GPBP1L1: variants seen among roughly 807,000 people sequenced by gnomAD.
The protein encoded by GPBP1L1 is vasculin-like protein 1.
Under a neutral mutation model 52.5 loss-of-function variants are expected in GPBP1L1, and 23 were observed. That is an observed-to-expected ratio of 0.44 (90% CI 0.32 to 0.62). The LOEUF (loss-of-function observed/expected upper bound fraction) is 0.62. GPBP1L1 is among the 20% of genes least tolerant of loss of function. GPBP1L1 has a pLI of 0.06. For synonymous variants in GPBP1L1, 243 were observed against 203.1 expected, an observed-to-expected ratio of 1.20 and a Z score of -1.67; for missense variants, 596 against 579.3, an observed-to-expected ratio of 1.03 and a Z score of -0.30.
chr1:45,649,154 TG>T, intron 6 of GPBP1L1, among the ~76,000 whole-genome samples: 1 of 152,358 alleles, frequency 6.6e-6, no homozygotes, highest in South Asian at 2.1e-4. Context: ...ATGCTCAACC[TG>T]TATTAATATT....
chr1:45,667,794 C>A (rs550976741), intron 2 of GPBP1L1, among the ~76,000 whole-genome samples: 2 of 152,208 alleles, frequency 1.3e-5, no homozygotes, highest in African/African-American at 4.8e-5. Flanking sequence ...GTCGCCCAGG[C>A]TGGAGTACAA....
chr1:45,646,993 T>C (rs1313016200), intron 6 of GPBP1L1, among the ~76,000 whole-genome samples: 1 of 152,082 alleles, frequency 6.6e-6, no homozygotes, highest in African/African-American at 2.4e-5. Flanking sequence ...CCTATGTATT[T>C]CTCCTTCATT....
At chr1:45,651,182 A>C in intron 6 of GPBP1L1, 1 of 478,808 alleles carries the variant, frequency 2.1e-6, no homozygotes, top group East Asian at 5.6e-5. Context: ...ACCAGCTTAG[A>C]CAAACCTCCT....
At chr1:45,638,500 T>C (rs747373672) in intron 8 of GPBP1L1, among the ~76,000 whole-genome samples, 8 of 152,220 alleles carry the variant, frequency 5.3e-5, no homozygotes, top group Non-Finnish European at 1.2e-4. Flanking sequence ...TGTGAGAGTT[T>C]ACCATTTTTT....
chr1:45,648,396 T>G lies in GPBP1L1; in HGVS notation c.478-5897A>C, dbSNP rs193235203. Among the ~76,000 whole-genome samples the G allele has an allele frequency of 1.2e-4, 18 of 152,348 alleles. No individual in the cohort carries two copies. The East Asian group carries it at 3.3e-3, about 28-fold the overall frequency. On this transcript the variant is annotated intron_variant, in intron 6 of 12. Transcript: ENST00000355105. ...TTGACTGGTCCAGTCAGATCCTTCA[T>G]ACCTTATCCCAGAGCCCCTGTATTT...
At position 45,628,347 on chromosome 1, in the gene GPBP1L1, G is replaced by C. The variant is rs747819985; in HGVS notation, c.1334C>G (p.Ser445Cys). The C allele has an allele frequency of 1.2e-6, 2 of 1,613,976 alleles. No homozygotes were observed. The highest frequency in any genetic ancestry group is 2.7e-5 in the African/African-American group (2 of 74,902). Residue 445 changes from serine to cysteine, a missense_variant, in exon 13 of 13, where the codon TCC (serine) becomes TGC (cysteine). Physicochemically the swap from Ser to Cys is moderately radical, Grantham distance 112. Transcript: ENST00000355105. The part of the protein sequence containing the change: ...FLQSRSSSLF[S>C]PWRSTCKAEF... ...TGCTTTGCAAGTGCTTCTCCAAGGG[G>C]AGAACAGACTGGAACTGCGGCTCTG...
At chr1:45,666,230 TCCCCCA>T (rs1226638308) in intron 2 of GPBP1L1, among the ~76,000 whole-genome samples, 1 of 151,620 alleles carries the variant, frequency 6.6e-6, no homozygotes, top group African/African-American at 2.4e-5. Flanking sequence ...GCAACCTCCA[TCCCCCA>T]GGAGAATCAA....
At chr1:45,638,621 A>T (rs138153834) in intron 8 of GPBP1L1, among the ~76,000 whole-genome samples, 185 of 152,200 alleles carry the variant, frequency 1.2e-3, no homozygotes, top group African/African-American at 4.2e-3. Flanking sequence ...TCCAATCATT[A>T]TCACTAGGAT....
In GPBP1L1 at chr1:45,663,495, C is replaced by A. The variant is rs570449980; in HGVS notation, c.-1097-2270G>T. On this transcript the variant is annotated intron_variant, in intron 2 of 12. Transcript: ENST00000355105. ...AGAAATACTAACTAGCAATACTTTG[C>A]TACTATTACGGGTCCTACTAACAAT... Among the ~76,000 whole-genome samples the A allele has an allele frequency of 2.0e-5, 3 of 152,328 alleles. No individual in the cohort carries two copies. The East Asian group carries it at 5.8e-4, about 29-fold the overall frequency.
Position 45,630,498 on chromosome 1 carries a change from G to C in GPBP1L1, c.1153C>G (p.Leu385Val), listed in dbSNP as rs759682858. Residue 385 changes from leucine (L) to valine (V), a missense_variant, in exon 11 of 13, where the codon CTA becomes GTA. Coordinates refer to ENST00000355105, the MANE Select transcript of GPBP1L1 (RefSeq NM_021639.5). ...CTCACTTACCTGTGCTCTGCTTCTA[G>C]AGAGTGTGAGAGAACCTCCCCTTCT... ...VEEGEVLSHS[L>V]EAEHRLLKAM... 7.4e-6 allele frequency: 12 copies of C among 1,613,954 alleles called. No individual in the cohort carries two copies. The highest frequency in any genetic ancestry group is 2.2e-5 in the South Asian group (2 of 91,074).
At chr1:45,634,748 G>T (rs925190356) in intron 8 of GPBP1L1, 1 of 153,198 alleles carries the variant, frequency 6.5e-6, no homozygotes, top group Non-Finnish European at 1.5e-5. Flanking sequence ...GGTGGCTATT[G>T]TAAATGGTTG....
chr1:45,658,689 G>C (rs1292004449), intron 4 of GPBP1L1: 3 of 275,068 alleles, frequency 1.1e-5, no homozygotes, highest in African/African-American at 6.6e-5. Flanking sequence ...CAGCACTTTG[G>C]GAAGTCCAGG....
At chr1:45,685,079 C>T (rs929520012) in intron 2 of GPBP1L1, among the ~76,000 whole-genome samples, 14 of 150,532 alleles carry the variant, frequency 9.3e-5, no homozygotes, top group African/African-American at 3.4e-4. Flanking sequence ...AAAAAAAAAG[C>T]AAACAAAAGA....
intron 6 of GPBP1L1, chr1:45,651,498 C>G (rs1471819529): frequency 6.3e-6 from 3 of 475,516 alleles, no homozygotes; most frequent in Non-Finnish European, 1.1e-5. Flanking sequence ...GCCTCTGCTT[C>G]TTTCTCTTGC....
chr1:45,640,396 C>A lies in GPBP1L1; in HGVS notation c.558G>T (p.Pro186=). 6.2e-7 allele frequency: 1 copy of A among 1,613,246 alleles called. No individual in the cohort carries two copies. The highest frequency in any genetic ancestry group is 8.5e-7 in the Non-Finnish European group (1 of 1,179,760). The change falls in exon 8 of 13, where the codon CCG becomes CCT. Residue 186 remains proline, a synonymous_variant. Coordinates refer to ENST00000355105, the MANE Select transcript of GPBP1L1 (RefSeq NM_021639.5). ...TCTTGGAGGGTTGCTTGGCACTAGG[C>A]GGGTTTTCTGTGAAGTACAAGAGTG... The part of the protein sequence containing the change: ...IGTPSGVWEN[P]PSAKQPSKML...
intron 2 of GPBP1L1, among the ~76,000 whole-genome samples, chr1:45,683,534 T>C (rs1645238503): frequency 6.6e-6 from 1 of 150,504 alleles, no homozygotes; most frequent in Non-Finnish European, 1.5e-5. Flanking sequence ...ACCAGCTGGA[T>C]GAATCTCTGG....
intron 2 of GPBP1L1, among the ~76,000 whole-genome samples, chr1:45,662,620 T>C (rs1191236644): frequency 2.0e-5 from 3 of 152,108 alleles, no homozygotes; most frequent in African/African-American, 4.8e-5. Context: ...ATAGTAAGTA[T>C]CTCTGGGGAA....
intron 6 of GPBP1L1, chr1:45,646,043 G>T: frequency 2.0e-6 from 1 of 501,946 alleles, no homozygotes; most frequent in Non-Finnish European, 3.9e-6. Context: ...TATCATCAAT[G>T]ATTTCAAATT....
At chr1:45,675,467 G>T (rs959369141) in intron 2 of GPBP1L1, among the ~76,000 whole-genome samples, 1 of 152,098 alleles carries the variant, frequency 6.6e-6, no homozygotes, top group African/African-American at 2.4e-5. Flanking sequence ...TATAGACGGG[G>T]TCTATTTAGT....
Sources: gnomAD v4.1 joint callset for allele counts (sites outside exome capture counted in the v4.1 genomes callset) on GRCh38, gnomAD v4.1.1 for gene constraint, MANE v1.5 for transcripts, NCBI Gene and HGNC (gene_info 2026-07-23, HGNC 2026-07-21) for gene names.